The following CNBD1 variants were observed in gnomAD, a reference collection of about 807,000 sequenced individuals.
CNBD1 encodes cyclic nucleotide-binding domain-containing protein 1.
CNBD1 carries 71 observed loss-of-function variants against 54.4 expected under a neutral mutation model. The ratio of observed to expected loss-of-function variants is 1.30; its 90% CI spans 1.08 to 1.59. The LOEUF is 1.59. Among genes scored for constraint, CNBD1 ranks in the 40% most tolerant of loss-of-function variants. CNBD1 has a pLI of 0.00. For missense variants in CNBD1, 659 were observed against 518.0 expected (o/e 1.27, Z -2.64); for synonymous variants, 182 against 170.7 (o/e 1.07, Z -0.51).
intron 4 of CNBD1, among the ~76,000 whole-genome samples, chr8:87,050,155 C>T (rs951202965): frequency 2.0e-5 from 3 of 152,108 alleles, no homozygotes; most frequent in African/African-American, 7.2e-5. Context: ...AAAGGGTGAG[C>T]AATTTCACCA....
intron 4 of CNBD1, among the ~76,000 whole-genome samples, chr8:87,197,654 G>T (rs1055851913): frequency 1.3e-5 from 2 of 152,108 alleles, no homozygotes; most frequent in East Asian, 3.8e-4. Context: ...AATAGAAATT[G>T]ATCAGGAATG....
intron 8 of CNBD1, among the ~76,000 whole-genome samples, chr8:87,287,018 A>C (rs1228123197): frequency 6.6e-6 from 1 of 152,164 alleles, no homozygotes; most frequent in Non-Finnish European, 1.5e-5. Flanking sequence ...AAAGGAAAAA[A>C]ACCATTTTTT....
In CNBD1 at chr8:87,416,331, G is replaced by T. The variant is rs574206706; in HGVS notation, c.214-12215G>T. ...CTATGAAAGTGTGATAAGAACCAAT[G>T]TTTTCAGTTATTTGCAAATTAACCA... is the stretch of plus-strand genomic sequence containing the variant. On this transcript the variant is annotated intron_variant, in intron 2 of 7. Transcript: ENST00000521593. Among the ~76,000 whole-genome samples, 3 of 152,150 alleles carry T rather than the reference G, an allele frequency of 2.0e-5. No individual in the cohort carries two copies. In the East Asian group the frequency reaches 5.8e-4, roughly 29 times the overall value.
At chr8:87,383,160 C>A (rs1353394511), downstream of CNBD1, among the ~76,000 whole-genome samples, 2 of 151,916 alleles carry the variant, frequency 1.3e-5, no homozygotes, top group Non-Finnish European at 2.9e-5. Flanking sequence ...AAAAATATTC[C>A]ATTTTGTAAT....
At chr8:86,876,452 TA>T (rs1245982631) in intron 1 of CNBD1, among the ~76,000 whole-genome samples, 1 of 151,974 alleles carries the variant, frequency 6.6e-6, no homozygotes, top group Admixed American at 6.6e-5. Flanking sequence ...GTTGAGTACT[TA>T]AGCTATTCTT....
chr8:87,227,870 A>G (rs1814542723), intron 5 of CNBD1, among the ~76,000 whole-genome samples: 1 of 148,082 alleles, frequency 6.8e-6, no homozygotes, highest in Non-Finnish European at 1.5e-5. Flanking sequence ...CATCACTTTC[A>G]GGTACACCAG....
At chr8:87,271,876 A>G (rs1417158912) in intron 6 of CNBD1, among the ~76,000 whole-genome samples, 1 of 152,030 alleles carries the variant, frequency 6.6e-6, no homozygotes, top group Non-Finnish European at 1.5e-5. Context: ...CAATGGATGA[A>G]TGAATAAAGA....
intron 8 of CNBD1, among the ~76,000 whole-genome samples, chr8:87,348,882 C>A (rs1041722190): frequency 7.2e-5 from 11 of 152,112 alleles, no homozygotes; most frequent in African/African-American, 2.4e-4. Context: ...AGAAAAGGAA[C>A]AAGGCCTGAT....
chr8:86,969,531 C>T (rs547384659), intron 4 of CNBD1, among the ~76,000 whole-genome samples: 3 of 152,066 alleles, frequency 2.0e-5, no homozygotes, highest in African/African-American at 4.8e-5. Flanking sequence ...TTAAGCTTTT[C>T]CTTATACCAC....
At chr8:87,096,306 C>T (rs1031925774) in intron 4 of CNBD1, among the ~76,000 whole-genome samples, 4 of 147,978 alleles carry the variant, frequency 2.7e-5, no homozygotes, top group African/African-American at 9.9e-5. Flanking sequence ...TATGTCATCA[C>T]ATAGTGGAGA....
chr8:87,424,990 T>C (rs1187297116), intron 2 of CNBD1, among the ~76,000 whole-genome samples: 4 of 152,132 alleles, frequency 2.6e-5, no homozygotes, highest in Non-Finnish European at 4.4e-5. Flanking sequence ...TTTCACATAG[T>C]CCCATATTTC....
At chr8:87,095,707 G>T (rs1403064701) in intron 4 of CNBD1, among the ~76,000 whole-genome samples, 1 of 152,160 alleles carries the variant, frequency 6.6e-6, no homozygotes, top group African/African-American at 2.4e-5. Context: ...GCCCAGGCTG[G>T]AGAGCCGTGG....
chr8:87,241,416 G>A (rs886314455), intron 6 of CNBD1, among the ~76,000 whole-genome samples: 12 of 151,824 alleles, frequency 7.9e-5, no homozygotes, highest in Admixed American at 3.9e-4. Flanking sequence ...GACTACAGGG[G>A]CCTGCCACCA....
chr8:87,286,895 A>C (rs1808710372), intron 8 of CNBD1, among the ~76,000 whole-genome samples: 1 of 152,102 alleles, frequency 6.6e-6, no homozygotes, highest in South Asian at 2.1e-4. Context: ...CTTACTTTTA[A>C]CATCTCTCTC....
chr8:87,171,671 C>T (rs558676659), intron 4 of CNBD1, among the ~76,000 whole-genome samples: 5 of 151,634 alleles, frequency 3.3e-5, no homozygotes, highest in Non-Finnish European at 7.4e-5. Context: ...CAGAGTCTAG[C>T]TCTGTCTCCC....
intron 6 of CNBD1, among the ~76,000 whole-genome samples, chr8:87,249,241 G>C (rs997450997): frequency 1.3e-5 from 2 of 152,074 alleles, no homozygotes; most frequent in African/African-American, 4.8e-5. Flanking sequence ...TTCACAATAG[G>C]GTTCATGCTC....
At chr8:87,125,838 T>G (rs1811979843) in intron 4 of CNBD1, among the ~76,000 whole-genome samples, 1 of 151,862 alleles carries the variant, frequency 6.6e-6, no homozygotes, top group Admixed American at 6.6e-5. Flanking sequence ...ACTGTCCCAA[T>G]ACCACTCCTT....
At chr8:87,267,233 A>G (rs935023594) in intron 6 of CNBD1, among the ~76,000 whole-genome samples, 1 of 152,230 alleles carries the variant, frequency 6.6e-6, no homozygotes, top group African/African-American at 2.4e-5. Flanking sequence ...TAAATTGGCA[A>G]GTACAAGTAT....
At chr8:87,220,180 A>G (rs1005602536) in intron 5 of CNBD1, among the ~76,000 whole-genome samples, 2 of 152,006 alleles carry the variant, frequency 1.3e-5, no homozygotes, top group South Asian at 2.1e-4. Context: ...ACTTAATGCT[A>G]TGAATATGAT....
Sources: allele counts gnomAD v4.1 joint callset (sites outside exome capture counted in the v4.1 genomes callset), GRCh38; gene constraint gnomAD v4.1.1; transcripts MANE v1.5; gene names NCBI Gene and HGNC (gene_info 2026-07-23, HGNC 2026-07-21).